The following LRR1 variants were observed in gnomAD, a reference collection of about 807,000 sequenced individuals.
The protein encoded by LRR1 is leucine rich repeat protein 1, also known as leucine-rich repeat protein 1.
In LRR1, 29 loss-of-function variants were observed where a neutral mutation model predicts 31.6. That is an observed-to-expected ratio of 0.92 (90% CI 0.68 to 1.25). LRR1 has a LOEUF of 1.25. Ranked by LOEUF, LRR1 falls within the 50% of genes most tolerant of loss-of-function variation. LRR1 has a pLI of 0.00. For missense variants in LRR1, 485 were observed against 487.2 expected (o/e 1.00, Z 0.04); for synonymous variants, 179 against 181.4 (o/e 0.99, Z 0.10).
chr14:49,604,976 C>CGGCACCATCACAGCTCACTGCAG (rs1882228294), intron 2 of LRR1, among the ~76,000 whole-genome samples: 1 of 151,474 alleles, frequency 6.6e-6, no homozygotes, highest in Non-Finnish European at 1.5e-5. Flanking sequence ...GCTCACTGCA[C>CGGCACCATCACAGCTCACTGCAG]CCTCGACCTT....
At chr14:49,604,048 A>G (rs1326552214) in intron 2 of LRR1, among the ~76,000 whole-genome samples, 1 of 150,402 alleles carries the variant, frequency 6.6e-6, no homozygotes, top group Non-Finnish European at 1.5e-5. Flanking sequence ...CACACCTGTA[A>G]TCCCAGCACT....
chr14:49,600,617 A>G (rs1234016552), intron 1 of LRR1: 2 of 1,520,434 alleles, frequency 1.3e-6, no homozygotes, highest in Admixed American at 2.1e-5. Flanking sequence ...TACGTGAGAA[A>G]CATCTTCAGT....
Position 49,607,479 on chromosome 14 carries a change from C to T in LRR1, c.362C>T (p.Ser121Leu). 1 of 1,613,620 alleles carries T rather than the reference C, an allele frequency of 6.2e-7. No individual in the cohort carries two copies. Among genetic ancestry groups the T allele is most frequent in the Non-Finnish European group, 8.5e-7 (1 of 1,179,882 alleles). The change falls in exon 3 of 4, where the codon TCA becomes TTA. Residue 121 changes from serine (S) to leucine (L), a missense_variant. This residue lies in a region of LRR1 where 260 missense variants were observed against 249.6 expected (regional missense o/e 1.04). Transcript: ENST00000298288. ...GGCTGTAATGTTGATACACCAGTTT[C>T]AACGCTCACACCAGTGAAGACTTCA... ...HRGCNVDTPVSTLTPVKTSEF... is the reference protein window; with the variant it reads ...HRGCNVDTPVLTLTPVKTSEF...
intron 3 of LRR1, among the ~76,000 whole-genome samples, chr14:49,613,331 T>TC (rs1318296941): frequency 8.2e-6 from 1 of 121,300 alleles, no homozygotes; most frequent in African/African-American, 3.2e-5. Flanking sequence ...AGAGCGAGAC[T>TC]CCATCTCAAA....
chr14:49,600,200 CTA>C, intron 1 of LRR1: 1 of 1,477,944 alleles, frequency 6.8e-7, no homozygotes, highest in East Asian at 2.3e-5. Context: ...GACAGGAAGA[CTA>C]TGACCATCTG....
At chr14:49,599,698 C>T (rs992742986) in intron 1 of LRR1, among the ~76,000 whole-genome samples, 1 of 151,358 alleles carries the variant, frequency 6.6e-6, no homozygotes, top group South Asian at 2.1e-4. Context: ...GCGGATCCTC[C>T]TGGGGAGGCC....
intron 2 of LRR1, chr14:49,603,430 G>A (rs376811453): frequency 2.2e-4 from 47 of 213,606 alleles, no homozygotes; most frequent in African/African-American, 1.0e-3. Context: ...TAAACCACAG[G>A]TTACAAATCT....
At chr14:49,604,535 A>G (rs1184083830) in intron 2 of LRR1, among the ~76,000 whole-genome samples, 1 of 152,012 alleles carries the variant, frequency 6.6e-6, no homozygotes, top group African/African-American at 2.4e-5. Context: ...CCCCATCTCT[A>G]CAAAAAAATT....
Position 49,607,861 on chromosome 14 carries a change from C to T in LRR1, c.744C>T (p.Leu248=). 2 of 1,613,616 alleles carry T rather than the reference C, an allele frequency of 1.2e-6. No individual in the cohort carries two copies. The highest frequency in any genetic ancestry group is 1.7e-6 in the Non-Finnish European group (2 of 1,179,710). Residue 248 remains leucine (L), a synonymous_variant, in exon 3 of 4, where the codon CTC becomes CTT. Coordinates refer to ENST00000298288, the MANE Select transcript of LRR1 (RefSeq NM_152329.4). ...CACTCCCTGTGCAGTTTTGCCAGCT[C>T]CAGGAACTTAAGAATTTAAAACTTG... ...IKALPVQFCQ[L]QELKNLKLDD... is the part of the protein sequence containing the mutation.
intron 3 of LRR1, 77 bp from the exon 4 acceptor site, chr14:49,614,179 A>T: frequency 7.0e-7 from 1 of 1,422,556 alleles, no homozygotes; most frequent in Non-Finnish European, 9.4e-7. Context: ...TTTCATTGTT[A>T]AAATTCCATG....
intron 2 of LRR1, chr14:49,603,710 A>ATTTTTTT (rs1566493069): frequency 0.03 from 4,041 of 132,626 alleles, 1,233 homozygotes; most frequent in Admixed American, 0.054. Context: ...TTTTTTTTTA[A>ATTTTTTT]TGAGACAGAG....
At chr14:49,613,848 C>T (rs1381551724) in intron 3 of LRR1, among the ~76,000 whole-genome samples, 1 of 152,126 alleles carries the variant, frequency 6.6e-6, no homozygotes, top group African/African-American at 2.4e-5. Context: ...TTGGGCACCA[C>T]TGAAGGGTTT....
intron 2 of LRR1, among the ~76,000 whole-genome samples, chr14:49,603,228 T>TAAAA (rs1882138871): frequency 5.3e-5 from 8 of 152,208 alleles, no homozygotes; most frequent in African/African-American, 1.9e-4. Flanking sequence ...TGCAGGTTTT[T>TAAAA]TGAAGAGGCA....
At chr14:49,604,224 G>T (rs1018469661) in intron 2 of LRR1, among the ~76,000 whole-genome samples, 2 of 151,900 alleles carry the variant, frequency 1.3e-5, no homozygotes, top group Non-Finnish European at 2.9e-5. Flanking sequence ...AGGATCACTT[G>T]AGCCTGGGAG....
chr14:49,602,889 G>A (rs1368220874), intron 2 of LRR1, among the ~76,000 whole-genome samples: 1 of 152,050 alleles, frequency 6.6e-6, no homozygotes, highest in Non-Finnish European at 1.5e-5. Flanking sequence ...AGGCTGGAGT[G>A]TAGTGGCACG....
rs1882634275 is a variant in LRR1, at chr14:49,614,643, A to G, written c.*147A>G. On this transcript the variant is annotated 3_prime_UTR_variant, in exon 4 of 4. Transcript: ENST00000298288. ...ATAGTTACTCATTTAGATGACTCCAAAACTTTTATTAAAACCAATTTTAGT... is the reference window on the plus strand; with the variant it reads ...ATAGTTACTCATTTAGATGACTCCAGAACTTTTATTAAAACCAATTTTAGT... 3 of 1,123,778 alleles carry G rather than the reference A, an allele frequency of 2.7e-6. No homozygotes were observed. Among genetic ancestry groups the G allele is most frequent in the Non-Finnish European group, 3.9e-6 (3 of 771,716 alleles). The allele number at this position is 1,123,778 out of a possible 1,614,324, so 69.6% of individuals were successfully genotyped here.
chr14:49,599,866 G>A lies in LRR1; in HGVS notation c.183+663G>A, dbSNP rs1420671460. 1.3e-4 allele frequency: 63 copies of A among 481,748 alleles called. No individual in the cohort carries two copies. The East Asian group carries it at 2.5e-3, about 19-fold the overall frequency. 29.8% of individuals were successfully genotyped at this position (481,748 alleles called of 1,614,324 possible). ...CGAGGGGAGTCGCTGCTTGGGGCCG[G>A]GGGGGCGGCCCCGCGGCGTGGAGCG... On this transcript the variant is annotated intron_variant, in intron 1 of 3. Coordinates refer to ENST00000298288, the MANE Select transcript of LRR1 (RefSeq NM_152329.4).
At chr14:49,601,175 A>G in intron 1 of LRR1, 1 of 1,574,498 alleles carries the variant, frequency 6.4e-7, no homozygotes, top group South Asian at 1.1e-5. Context: ...TTACTTGAGC[A>G]CAAGTGTAAC....
chr14:49,605,607 G>T (rs890668355), intron 2 of LRR1, among the ~76,000 whole-genome samples: 6 of 152,050 alleles, frequency 3.9e-5, no homozygotes, highest in African/African-American at 1.2e-4. Context: ...TCTTTTCTTG[G>T]TATCTATGAT....
Sources: allele counts gnomAD v4.1 joint callset (sites outside exome capture counted in the v4.1 genomes callset), GRCh38; gene constraint gnomAD v4.1.1; regional missense constraint gnomAD v4.1.1; transcripts MANE v1.5; gene names NCBI Gene and HGNC (gene_info 2026-07-23, HGNC 2026-07-21).